The following ENTREP2 variants were observed in gnomAD, a reference collection of about 807,000 sequenced individuals.
The protein encoded by ENTREP2 is protein ENTREP2.
the ENTREP2 span, among the ~76,000 whole-genome samples, chr15:29,178,754 T>A: frequency 6.6e-6 from 1 of 152,104 alleles, no homozygotes; most frequent in African/African-American, 2.4e-5. Context: ...GTTGCAAGAG[T>A]CTTTTTGAAT....
the ENTREP2 span, among the ~76,000 whole-genome samples, chr15:29,173,275 T>C: frequency 6.6e-6 from 1 of 152,158 alleles, no homozygotes; most frequent in Admixed American, 6.5e-5. Flanking sequence ...GGGAGCCAAC[T>C]CACCATGGGG....
At chr15:29,479,897 G>A in the ENTREP2 span, among the ~76,000 whole-genome samples, 3 of 152,116 alleles carry the variant, frequency 2.0e-5, no homozygotes, top group Non-Finnish European at 4.4e-5. Context: ...TAGGAATGGA[G>A]CCACAGAGAG....
chr15:29,519,698 A>G, the ENTREP2 span, among the ~76,000 whole-genome samples: 3 of 152,330 alleles, frequency 2.0e-5, no homozygotes, highest in African/African-American at 4.8e-5. Context: ...AAAGTTATAC[A>G]TGGATTTCTG....
chr15:29,361,954 T>C, the ENTREP2 span, among the ~76,000 whole-genome samples: 611 of 152,322 alleles, frequency 4.0e-3, 6 homozygotes, highest in African/African-American at 0.014. Flanking sequence ...AATCAAGAAA[T>C]GTATCATGGT....
At chr15:29,360,045 G>A in the ENTREP2 span, among the ~76,000 whole-genome samples, 1 of 152,164 alleles carries the variant, frequency 6.6e-6, no homozygotes, top group African/African-American at 2.4e-5. Flanking sequence ...ACCTGGGTAC[G>A]TAGAGAGAGT....
the ENTREP2 span, among the ~76,000 whole-genome samples, chr15:29,148,199 A>T: frequency 1.8e-4 from 27 of 152,234 alleles, no homozygotes; most frequent in African/African-American, 6.5e-4. Flanking sequence ...GATAATAAAA[A>T]TGTTCTAAAA....
At chr15:29,477,006 G>T in the ENTREP2 span, among the ~76,000 whole-genome samples, 5 of 152,124 alleles carry the variant, frequency 3.3e-5, no homozygotes, top group African/African-American at 1.2e-4. Flanking sequence ...CCCGAAACTG[G>T]AAACTACCCT....
At chr15:29,336,792 T>TA in the ENTREP2 span, among the ~76,000 whole-genome samples, 2 of 152,146 alleles carry the variant, frequency 1.3e-5, no homozygotes, top group South Asian at 4.1e-4. Flanking sequence ...CACAGCTGGC[T>TA]CCTGGTAGGG....
the ENTREP2 span, among the ~76,000 whole-genome samples, chr15:29,509,399 T>A: frequency 3.3e-5 from 5 of 151,990 alleles, no homozygotes; most frequent in African/African-American, 7.3e-5. Flanking sequence ...TAGAAAAAAA[T>A]TACTTTAAAT....
the ENTREP2 span, among the ~76,000 whole-genome samples, chr15:29,322,720 C>A: frequency 6.6e-6 from 1 of 152,194 alleles, no homozygotes; most frequent in African/African-American, 2.4e-5. Context: ...ATTTCTATGT[C>A]TCCTCCTTTT....
the ENTREP2 span, chr15:29,374,116 C>T: frequency 1.3e-5 from 2 of 151,742 alleles, no homozygotes; most frequent in Non-Finnish European, 2.9e-5. Flanking sequence ...ATTTAATATA[C>T]TAGAGTTTAA....
chr15:29,364,719 C>G, the ENTREP2 span, among the ~76,000 whole-genome samples: 1 of 152,006 alleles, frequency 6.6e-6, no homozygotes, highest in Non-Finnish European at 1.5e-5. Context: ...GGGGGTGATG[C>G]CTTTAAAAAT....
At chr15:29,533,619 T>C in the ENTREP2 span, among the ~76,000 whole-genome samples, 1 of 152,164 alleles carries the variant, frequency 6.6e-6, no homozygotes, top group African/African-American at 2.4e-5. Context: ...ATGATCACCA[T>C]TGAGCTCCCT....
At chr15:29,372,407 G>A in the ENTREP2 span, among the ~76,000 whole-genome samples, 1 of 152,128 alleles carries the variant, frequency 6.6e-6, no homozygotes. Flanking sequence ...TACAAAATAT[G>A]TGTTAGTTGA....
the ENTREP2 span, among the ~76,000 whole-genome samples, chr15:29,176,118 T>C: frequency 7.9e-5 from 12 of 152,258 alleles, no homozygotes; most frequent in Non-Finnish European, 1.6e-4. Flanking sequence ...CTTTCGCCTC[T>C]TGAGTACTTG....
chr15:29,244,231 T>C, the ENTREP2 span, among the ~76,000 whole-genome samples: 1 of 152,110 alleles, frequency 6.6e-6, no homozygotes, highest in Non-Finnish European at 1.5e-5. Flanking sequence ...GGTGATAAAA[T>C]TTACATGCAT....
At chr15:29,643,780 CAAAAAAAA>C in the ENTREP2 span, among the ~76,000 whole-genome samples, 5 of 70,152 alleles carry the variant, frequency 7.1e-5, no homozygotes, top group Admixed American at 8.3e-4. Flanking sequence ...GACTCTGTCT[CAAAAAAAA>C]AAAAAAAAAA....
the ENTREP2 span, among the ~76,000 whole-genome samples, chr15:29,530,797 A>G: frequency 6.6e-6 from 1 of 152,194 alleles, no homozygotes; most frequent in Non-Finnish European, 1.5e-5. Context: ...TGCACTTTCT[A>G]TGACTTCCAT....
chr15:29,512,889 C>G, the ENTREP2 span, among the ~76,000 whole-genome samples: 1 of 152,184 alleles, frequency 6.6e-6, no homozygotes, highest in Non-Finnish European at 1.5e-5. Context: ...GATATTGAAG[C>G]CACCACCACG....
Sources: gnomAD v4.1 joint callset for allele counts (sites outside exome capture counted in the v4.1 genomes callset) on GRCh38, gnomAD v4.1.1 for gene constraint, MANE v1.5 for transcripts, NCBI Gene and HGNC (gene_info 2026-07-23, HGNC 2026-07-21) for gene names.